Variants in CFAP221 observed in about 807,000 individuals in gnomAD.
CFAP221 encodes the protein cilia- and flagella-associated protein 221.
Under a neutral mutation model 113.1 loss-of-function variants are expected in CFAP221, and 97 were observed. That is an observed-to-expected ratio of 0.86 (90% CI 0.73 to 1.02). CFAP221 has a LOEUF of 1.02. Among genes scored for constraint, CFAP221 ranks in the 50% least tolerant of loss-of-function variants. The pLI is 0.00. For missense variants in CFAP221, 1,025 were observed against 1,013.4 expected (o/e 1.01, Z -0.16); for synonymous variants, 331 against 354.4 (o/e 0.93, Z 0.74).
intron 6 of CFAP221, among the ~76,000 whole-genome samples, chr2:119,585,568 GTAGA>G (rs1251978881): frequency 6.6e-6 from 1 of 152,178 alleles, no homozygotes; most frequent in Non-Finnish European, 1.5e-5. Context: ...GAGCTCAGTA[GTAGA>G]TAAAGGGGTC....
intron 6 of CFAP221, among the ~76,000 whole-genome samples, chr2:119,567,392 G>A (rs896763840): frequency 7.9e-5 from 12 of 152,138 alleles, no homozygotes; most frequent in African/African-American, 2.9e-4. Flanking sequence ...TTCTGATTGG[G>A]TGCTTTCACT....
At chr2:119,615,257 G>C (rs1558964656) in intron 13 of CFAP221, among the ~76,000 whole-genome samples, 1 of 152,152 alleles carries the variant, frequency 6.6e-6, no homozygotes. Flanking sequence ...GTCCTACCCA[G>C]CCAGGGGATC....
At chr2:119,615,950 C>G (rs1423539997) in intron 14 of CFAP221, among the ~76,000 whole-genome samples, 1 of 152,212 alleles carries the variant, frequency 6.6e-6, no homozygotes, top group Non-Finnish European at 1.5e-5. Context: ...TTCAGTCACT[C>G]TCCACTCCCT....
At chr2:119,632,751 CA>C (rs369387347) in intron 19 of CFAP221, among the ~76,000 whole-genome samples, 15 of 136,190 alleles carry the variant, frequency 1.1e-4, no homozygotes, top group Admixed American at 6.4e-4. Context: ...ATGAAATCTA[CA>C]AAAAAAACTA....
chr2:119,562,417 A>G (rs1681320545), intron 6 of CFAP221, among the ~76,000 whole-genome samples: 1 of 152,134 alleles, frequency 6.6e-6, no homozygotes, highest in Admixed American at 6.5e-5. Context: ...GACTCTCCCC[A>G]TATCTTAGTT....
intron 7 of CFAP221, among the ~76,000 whole-genome samples, chr2:119,593,146 A>G (rs1225931297): frequency 6.6e-6 from 1 of 152,134 alleles, no homozygotes. Context: ...TCTGCTTTAA[A>G]ATAATTTCAT....
intron 8 of CFAP221, 162 bp downstream of exon 8, chr2:119,601,539 G>C (rs957955247): frequency 6.2e-6 from 4 of 647,548 alleles, no homozygotes; most frequent in East Asian, 2.9e-5. Flanking sequence ...CAGAAATATA[G>C]AATATATCTA....
chr2:119,569,079 C>A (rs1166806571), intron 6 of CFAP221, among the ~76,000 whole-genome samples: 6 of 150,542 alleles, frequency 4.0e-5, no homozygotes, highest in Middle Eastern at 3.4e-3. Flanking sequence ...TAATTCTTAT[C>A]TTTGTTTCTC....
intron 8 of CFAP221, chr2:119,602,477 T>G: frequency 8.9e-6 from 3 of 335,212 alleles, no homozygotes; most frequent in Non-Finnish European, 1.3e-5. Context: ...GGTTTTCCTC[T>G]TCTTTGCGCA....
At chr2:119,587,423 A>G (rs1683300514) in intron 7 of CFAP221, among the ~76,000 whole-genome samples, 2 of 152,240 alleles carry the variant, frequency 1.3e-5, no homozygotes, top group African/African-American at 2.4e-5. Context: ...AGTTTCTTCC[A>G]TGATCGAAAC....
intron 19 of CFAP221, among the ~76,000 whole-genome samples, chr2:119,632,062 T>A (rs1186869339): frequency 2.0e-5 from 3 of 152,142 alleles, no homozygotes; most frequent in African/African-American, 4.8e-5. Context: ...AGGCCTTCAC[T>A]AGGGAATTCT....
intron 3 of CFAP221, chr2:119,557,260 G>A (rs1186489426): frequency 6.6e-6 from 1 of 152,248 alleles, no homozygotes; most frequent in South Asian, 2.1e-4. Flanking sequence ...CCTTGCTACA[G>A]GTGGTCGGCT....
chr2:119,563,158 A>T (rs62159783), intron 6 of CFAP221, among the ~76,000 whole-genome samples: 1 of 152,198 alleles, frequency 6.6e-6, no homozygotes, highest in African/African-American at 2.4e-5. Flanking sequence ...TGTCTCTAAA[A>T]TATAAAAAAT....
intron 6 of CFAP221, among the ~76,000 whole-genome samples, chr2:119,564,711 C>T (rs1681500710): frequency 6.6e-6 from 1 of 152,198 alleles, no homozygotes; most frequent in South Asian, 2.1e-4. Context: ...ACAGTTGTAG[C>T]TCACTGCTAT....
chr2:119,632,701 CAAAA>C (rs34915791), intron 19 of CFAP221, among the ~76,000 whole-genome samples: 1 of 109,626 alleles, frequency 9.1e-6, no homozygotes, highest in Non-Finnish European at 1.9e-5. Context: ...TCTTTATTTA[CAAAA>C]AAAAAAAAAA....
chr2:119,608,481 GTTT>G lies in CFAP221; in HGVS notation c.1134-11_1134-9del. Reference sequence around the variant, plus strand: ...GGTATTCTGATGGGTTCTGGACACAGTTTTTTTTTTTTCTCCCCAGGCAGGTGC... The same window carrying G: ...GGTATTCTGATGGGTTCTGGACACAGTTTTTTTTTCTCCCCAGGCAGGTGC... On this transcript the variant is annotated intron_variant, in intron 11 of 23. Coordinates refer to ENST00000413369, the MANE Select transcript of CFAP221 (RefSeq NM_001271049.2). 8.3e-7 allele frequency: 1 copy of G among 1,204,060 alleles called. No homozygotes were observed. The allele number at this position is 1,204,060 out of a possible 1,614,324, so 74.6% of individuals were successfully genotyped here. A position where few individuals can be genotyped will look rare whatever the true frequency, so the allele number is the denominator to read the frequency against.
At chr2:119,604,832 A>AG (rs199910398) in intron 9 of CFAP221, 40 bp downstream of exon 9, 17,777 of 1,609,118 alleles carry the variant, frequency 0.011, 133 homozygotes, top group Non-Finnish European at 0.013. Flanking sequence ...AAAGGGTGAC[A>AG]GAGGGGCAGA....
intron 21 of CFAP221, among the ~76,000 whole-genome samples, chr2:119,644,619 G>T (rs1221360687): frequency 1.3e-5 from 2 of 152,112 alleles, no homozygotes; most frequent in Non-Finnish European, 2.9e-5. Flanking sequence ...CTGGGGTGGG[G>T]CAGGGTTTGC....
At chr2:119,644,997 C>CA (rs1687713473) in intron 21 of CFAP221, among the ~76,000 whole-genome samples, 1 of 57,616 alleles carries the variant, frequency 1.7e-5, no homozygotes, top group African/African-American at 6.1e-5. Flanking sequence ...CCAGGTCCCC[C>CA]CCCCCACCCC....
Sources: allele counts gnomAD v4.1 joint callset (sites outside exome capture counted in the v4.1 genomes callset), GRCh38; gene constraint gnomAD v4.1.1; transcripts MANE v1.5; gene names NCBI Gene and HGNC (gene_info 2026-07-23, HGNC 2026-07-21).